TTC38: variants seen among roughly 807,000 people sequenced by gnomAD.
TTC38 encodes the protein tetratricopeptide repeat protein 38.
Under a neutral mutation model 64.2 loss-of-function variants are expected in TTC38, and 64 were observed. The observed-to-expected ratio is 1.00, with a 90% CI of 0.81 to 1.23. The LOEUF is 1.23. TTC38 is among the 50% of genes most tolerant of loss of function. The pLI, the probability that TTC38 is intolerant of heterozygous loss-of-function variation, is 0.00. For synonymous variants in TTC38, 254 were observed against 249.3 expected (o/e 1.02, Z -0.18); for missense variants, 573 against 615.5 (o/e 0.93, Z 0.73).
At chr22:46,290,949 G>A (rs919012183) in intron 13 of TTC38, among the ~76,000 whole-genome samples, 6 of 152,224 alleles carry the variant, frequency 3.9e-5, no homozygotes, top group Non-Finnish European at 7.3e-5. Flanking sequence ...TGCCTGGTGG[G>A]GAAGGTGTGC....
intron 13 of TTC38, among the ~76,000 whole-genome samples, chr22:46,290,164 C>G: frequency 6.6e-6 from 1 of 152,250 alleles, no homozygotes; most frequent in East Asian, 1.9e-4. Flanking sequence ...TACGTAAACA[C>G]GTCCTGCTCT....
In TTC38 at chr22:46,281,004, C is replaced by A. The variant is rs1221422130; in HGVS notation, c.616-595C>A. Among the ~76,000 whole-genome samples, 1 of 152,198 alleles carries A rather than the reference C, an allele frequency of 6.6e-6. No individual in the cohort carries two copies. The highest frequency in any genetic ancestry group is 1.5e-5 in the Non-Finnish European group (1 of 68,034). On this transcript the variant is annotated intron_variant, in intron 6 of 13. Transcript: ENST00000381031. The surrounding 1 kb of genome is among the most constrained non-coding windows in gnomAD (Gnocchi z 5.2). ...CATTCCATGAGTCCTGCCTGCCTCGCTGGTCGCTGTCAAGCTCACAGGTCA... is the reference window on the plus strand; with the variant it reads ...CATTCCATGAGTCCTGCCTGCCTCGATGGTCGCTGTCAAGCTCACAGGTCA...
intron 12 of TTC38, 100 bp from the exon 13 acceptor site, chr22:46,289,726 C>A: frequency 6.7e-7 from 1 of 1,484,518 alleles, no homozygotes; most frequent in African/African-American, 1.4e-5. Context: ...GTGGCATCAA[C>A]ACCACTGTCT....
Position 46,290,066 on chromosome 22 carries a change from G to A in TTC38, c.1316+167G>A, listed in dbSNP as rs6008538. ...TGGTTCTCCTTTGTTAGCAGGCTCA[G>A]TGTGACCAAGTGGAGCCAGCCCCAC... On this transcript the variant is annotated intron_variant, in intron 13 of 13. Transcript: ENST00000381031. Among the ~76,000 whole-genome samples the A allele has an allele frequency of 0.25, 38,613 of 152,086 alleles. 8,314 individuals are homozygous for A. Among genetic ancestry groups the A allele is most frequent in the African/African-American group, 0.59 (24,368 of 41,432 alleles).
At position 46,273,125 on chromosome 22, in the gene TTC38, G is replaced by T. The variant is rs1050063684; in HGVS notation, c.193+709G>T. On this transcript the variant is annotated intron_variant, in intron 3 of 13. Transcript: ENST00000381031. The surrounding 1 kb of genome is among the most constrained non-coding windows in gnomAD (Gnocchi z 5.1). ...AACAAGGAAATAACTGGGGGAGAAC[G>T]GGGGAGCCAAACCCAGTCATGGGGA... 1.3e-5 allele frequency among the ~76,000 whole-genome samples: 2 copies of T among 152,186 alleles called. No individual in the cohort carries two copies. The highest frequency in any genetic ancestry group is 3.8e-4 in the East Asian group (2 of 5,204).
rs749147411 is a variant in TTC38, at chr22:46,268,066, C to T, written c.27C>T (p.Asp9=). The change falls in exon 1 of 14, where the codon GAC becomes GAT. Residue 9 remains aspartate (D), a synonymous_variant. Transcript: ENST00000381031. The part of the protein sequence containing the change: MAAASPLR[D]CQAWKDARLP... ...TGGCCGCAGCCTCGCCTCTGCGCGA[C>T]TGCCAGGTACACGGAGGCTGCCCCC... 31 of 1,543,698 alleles carry T rather than the reference C, an allele frequency of 2.0e-5. No homozygotes were observed. The South Asian group carries it at 3.2e-4, about 16-fold the overall frequency.
At position 46,293,127 on chromosome 22, in the gene TTC38, G is replaced by A; in HGVS notation, c.*243G>A. The A allele has an allele frequency of 8.3e-6, 4 of 480,214 alleles. No homozygotes were observed. The highest frequency in any genetic ancestry group is 5.8e-5 in the South Asian group (2 of 34,546). The allele number at this position is 480,214 out of a possible 1,614,324, so 29.7% of individuals were successfully genotyped here. A position where few individuals can be genotyped will look rare whatever the true frequency, so the allele number is the denominator to read the frequency against. ...AGCAGTCACAGCCAGTGTGAGTGCTGCTCTTTCCACCTGCCTTGCAAATTC... is the reference window on the plus strand; with the variant it reads ...AGCAGTCACAGCCAGTGTGAGTGCTACTCTTTCCACCTGCCTTGCAAATTC... On this transcript the variant is annotated 3_prime_UTR_variant, in exon 14 of 14. Coordinates refer to ENST00000381031, the MANE Select transcript of TTC38 (RefSeq NM_017931.4). The surrounding 1 kb of genome is among the most constrained non-coding windows in gnomAD (Gnocchi z 6.6).
Position 46,273,751 on chromosome 22 carries a change from C to T in TTC38, c.194-147C>T. On this transcript the variant is annotated intron_variant, in intron 3 of 13. Transcript: ENST00000381031. This position sits in a 1 kb window ranked among gnomAD's most constrained non-coding sequence, Gnocchi z 5.1. ...ACAAGAGCCGAGGCTGAGTTCTAGA[C>T]AGTAGGCAGGGCCACAGTGCCCAGC... 1.4e-6 allele frequency: 1 copy of T among 713,326 alleles called. No homozygotes were observed. Among genetic ancestry groups the T allele is most frequent in the African/African-American group, 1.8e-5 (1 of 55,960 alleles). 44.2% of individuals were successfully genotyped at this position (713,326 alleles called of 1,614,324 possible).
At chr22:46,288,306 T>C in intron 10 of TTC38, 117 bp from the exon 11 acceptor site, 1 of 1,084,350 alleles carries the variant, frequency 9.2e-7, no homozygotes, top group Non-Finnish European at 1.3e-6. Context: ...CTCCCCGGCC[T>C]CTCACCTGGG....
At chr22:46,269,200 G>A in intron 2 of TTC38, 1 of 349,782 alleles carries the variant, frequency 2.9e-6, no homozygotes, top group South Asian at 2.1e-5. Flanking sequence ...TGAGGATGCT[G>A]GCCTCCCCGG....
In TTC38 at chr22:46,281,672, T is replaced by C. The variant is rs760780901; in HGVS notation, c.689T>C (p.Ile230Thr). ...CACATCCACGAGATGAAAGCAGAGATCAAGGATGGGTTGGAATTCATGCAG... is the reference window on the plus strand; with the variant it reads ...CACATCCACGAGATGAAAGCAGAGACCAAGGATGGGTTGGAATTCATGCAG... ...VAHIHEMKAEIKDGLEFMQHS... is the reference protein window; with the variant it reads ...VAHIHEMKAETKDGLEFMQHS... Residue 230 changes from isoleucine (I) to threonine (T), a missense_variant, in exon 7 of 14, where the codon ATC becomes ACC. Around this residue, in one of 3 missense-constraint regions of TTC38, gnomAD observed 371 missense variants for 381.8 expected, o/e 0.97. Coordinates refer to ENST00000381031, the MANE Select transcript of TTC38 (RefSeq NM_017931.4). This position sits in a 1 kb window ranked among gnomAD's most constrained non-coding sequence, Gnocchi z 5.2. 3 of 1,613,984 alleles carry C rather than the reference T, an allele frequency of 1.9e-6. No homozygotes were observed. The East Asian group carries it at 6.7e-5, about 36-fold the overall frequency.
In TTC38 at chr22:46,273,992, G is replaced by A; in HGVS notation, c.288G>A (p.Met96Ile). ...DKELDLAVKT[M>I]VEISRTQPLT... ...AGCTGGACCTGGCTGTGAAGACAATGGTGGAGATTTCAAGAACCCAGCCGC... is the reference window on the plus strand; with the variant it reads ...AGCTGGACCTGGCTGTGAAGACAATAGTGGAGATTTCAAGAACCCAGCCGC... Residue 96 changes from methionine (M) to isoleucine (I), a missense_variant, in exon 4 of 14, where the codon ATG (methionine) becomes ATA (isoleucine). Physicochemically the swap from Met to Ile is conservative, Grantham distance 10. Around this residue, in one of 3 missense-constraint regions of TTC38, gnomAD observed 134 missense variants for 126.5 expected, o/e 1.06. Transcript: ENST00000381031. The surrounding 1 kb of genome is among the most constrained non-coding windows in gnomAD (Gnocchi z 5.1). 1 of 1,614,248 alleles carries A rather than the reference G, an allele frequency of 6.2e-7. No homozygotes were observed. Among genetic ancestry groups the A allele is most frequent in the Non-Finnish European group, 8.5e-7 (1 of 1,180,046 alleles).
At chr22:46,283,851 C>CAAAAAAAA (rs58477670) in intron 7 of TTC38, 122 bp from the exon 8 acceptor site, 3 of 210,764 alleles carry the variant, frequency 1.4e-5, no homozygotes, top group African/African-American at 5.7e-5. Flanking sequence ...GACTTAGTCT[C>CAAAAAAAA]AAAAAAAAAA....
At chr22:46,269,168 TG>T in intron 2 of TTC38, 1 of 406,342 alleles carries the variant, frequency 2.5e-6, no homozygotes, top group African/African-American at 2.2e-5. Context: ...TGGACAGCGG[TG>T]GGTGCAGTGG....
At chr22:46,285,128 G>A (rs2077562400) in intron 8 of TTC38, 113 bp from the exon 9 acceptor site, 4 of 900,746 alleles carry the variant, frequency 4.4e-6, no homozygotes. Context: ...GAGAGGAGGT[G>A]GAGGCCGGAG....
rs552958961 is a variant in TTC38, at chr22:46,270,257, G to A, written c.111+1666G>A. On this transcript the variant is annotated intron_variant, in intron 2 of 13. Transcript: ENST00000381031. The surrounding 1 kb of genome is among the most constrained non-coding windows in gnomAD (Gnocchi z 4.7). The stretch of plus-strand genomic sequence containing the variant: ...CCTCCTGTATCTTGTCAAAATGCTT[G>A]CGTAGCTTATAGTCTCAGCTATTTG... 5.3e-5 allele frequency among the ~76,000 whole-genome samples: 8 copies of A among 152,274 alleles called. No homozygotes were observed. The highest frequency in any genetic ancestry group is 4.6e-4 in the Admixed American group (7 of 15,296).
intron 7 of TTC38, among the ~76,000 whole-genome samples, chr22:46,283,619 A>T (rs1056859253): frequency 6.6e-6 from 1 of 152,094 alleles, no homozygotes; most frequent in South Asian, 2.1e-4. Context: ...TGGGAGGCTG[A>T]GGCGGGCGGA....
Position 46,292,808 on chromosome 22 carries a change from G to A in TTC38, c.1334G>A (p.Arg445His), listed in dbSNP as rs372998054. The stretch of plus-strand genomic sequence containing the variant: ...TTCCACAGGAGCCTTCTGATGGAGC[G>A]TGATGCCTTGAAGCCCAACTCGCCC... ...KNVARSLLME[R>H]DALKPNSPLT... Residue 445 changes from arginine to histidine, a missense_variant, in exon 14 of 14, where the codon CGT becomes CAT. Transcript: ENST00000381031. This position sits in a 1 kb window ranked among gnomAD's most constrained non-coding sequence, Gnocchi z 6.5. 16 of 1,613,860 alleles carry A rather than the reference G, an allele frequency of 9.9e-6. No individual in the cohort carries two copies. Among genetic ancestry groups the A allele is most frequent in the African/African-American group, 2.7e-5 (2 of 74,952 alleles).
chr22:46,281,698 C>T lies in TTC38; in HGVS notation c.715C>T (p.His239Tyr). 6.2e-7 allele frequency: 1 copy of T among 1,614,080 alleles called. No homozygotes were observed. The highest frequency in any genetic ancestry group is 8.5e-7 in the Non-Finnish European group (1 of 1,180,036). Residue 239 changes from histidine (H) to tyrosine (Y), a missense_variant, in exon 7 of 14, where the codon CAC becomes TAC. Physicochemically the swap from His to Tyr is moderately conservative, Grantham distance 83. Around this residue, in one of 3 missense-constraint regions of TTC38, gnomAD observed 371 missense variants for 381.8 expected, o/e 0.97. Coordinates refer to ENST00000381031, the MANE Select transcript of TTC38 (RefSeq NM_017931.4). This position sits in a 1 kb window ranked among gnomAD's most constrained non-coding sequence, Gnocchi z 5.2. Reference sequence around the variant, plus strand: ...CAAGGATGGGTTGGAATTCATGCAGCACTCAGAGACCTTCTGGAAGGTATG... The same window carrying T: ...CAAGGATGGGTTGGAATTCATGCAGTACTCAGAGACCTTCTGGAAGGTATG... ...EIKDGLEFMQ[H>Y]SETFWKDSDM... is the part of the protein sequence containing the mutation.
Sources: allele counts gnomAD v4.1 joint callset (sites outside exome capture counted in the v4.1 genomes callset), GRCh38; gene constraint gnomAD v4.1.1; regional missense constraint gnomAD v4.1.1; non-coding constraint Gnocchi (gnomAD v3.1); transcripts MANE v1.5; gene names NCBI Gene and HGNC (gene_info 2026-07-23, HGNC 2026-07-21).